Variants in PCDH15 observed in about 807,000 individuals in gnomAD.
PCDH15 encodes the protein protocadherin-15.
A neutral mutation model predicts 178.5 loss-of-function variants in PCDH15; 129 were observed. That is an observed-to-expected ratio of 0.72 (90% confidence interval 0.63 to 0.84). The LOEUF is 0.84. Among genes scored for constraint, PCDH15 ranks in the 40% least tolerant of loss-of-function variants. The probability of loss-of-function intolerance (pLI) is 0.00; values close to 1 mark genes in which losing one functional copy is unlikely to be tolerated. For missense variants in PCDH15, 2,230 were observed against 2,099.9 expected (o/e 1.06, Z -1.21); for synonymous variants, 800 against 732.0 (o/e 1.09, Z -1.50).
At chr10:55,575,899 G>A (rs1452848077) in intron 2 of PCDH15, among the ~76,000 whole-genome samples, 24 of 152,162 alleles carry the variant, frequency 1.6e-4, no homozygotes, top group Non-Finnish European at 4.4e-5. Flanking sequence ...TCTCTGAGAG[G>A]AGGCTTGCTT....
chr10:54,886,040 G>T (rs1954352810), intron 3 of PCDH15, among the ~76,000 whole-genome samples: 1 of 151,750 alleles, frequency 6.6e-6, no homozygotes. Flanking sequence ...CTCTTCCCCT[G>T]CCCTCAATTT....
chr10:55,555,830 T>A (rs186953836), intron 2 of PCDH15, among the ~76,000 whole-genome samples: 218 of 152,202 alleles, frequency 1.4e-3, no homozygotes, highest in African/African-American at 5.1e-3. Flanking sequence ...GCCATACAGA[T>A]GATGAATAAA....
intron 5 of PCDH15, among the ~76,000 whole-genome samples, chr10:54,366,856 A>T (rs768664866): frequency 4.6e-5 from 7 of 152,090 alleles, no homozygotes; most frequent in Non-Finnish European, 1.5e-5. Flanking sequence ...GACCTCAGTT[A>T]TCTAAAAGGA....
At chr10:55,506,018 G>C (rs756775620) in intron 2 of PCDH15, among the ~76,000 whole-genome samples, 17 of 151,136 alleles carry the variant, frequency 1.1e-4, no homozygotes, top group Non-Finnish European at 2.4e-4. Flanking sequence ...TTAGATTTTG[G>C]TCATTAACAT....
chr10:55,441,600 C>T (rs1839186603), intron 2 of PCDH15, among the ~76,000 whole-genome samples: 1 of 152,142 alleles, frequency 6.6e-6, no homozygotes, highest in Admixed American at 6.5e-5. Flanking sequence ...CACTAAGACA[C>T]AGTCTCATAT....
chr10:53,855,199 T>C (rs1237987387), intron 28 of PCDH15, among the ~76,000 whole-genome samples: 1 of 152,024 alleles, frequency 6.6e-6, no homozygotes, highest in Non-Finnish European at 1.5e-5. Context: ...AAATTGACTA[T>C]AATAATAACA....
At chr10:54,846,385 G>A (rs1436009097) in intron 3 of PCDH15, among the ~76,000 whole-genome samples, 5 of 152,162 alleles carry the variant, frequency 3.3e-5, no homozygotes, top group South Asian at 2.1e-4. Context: ...AATCATTGCC[G>A]AATGAATGAA....
At chr10:54,047,701 A>G (rs1442618497) in intron 18 of PCDH15, among the ~76,000 whole-genome samples, 1 of 152,112 alleles carries the variant, frequency 6.6e-6, no homozygotes, top group Non-Finnish European at 1.5e-5. Context: ...TAATGTACTT[A>G]AAATAATGGT....
At chr10:54,430,341 C>T (rs372017181) in intron 3 of PCDH15, among the ~76,000 whole-genome samples, 1 of 152,202 alleles carries the variant, frequency 6.6e-6, no homozygotes. Context: ...AGGCGTGAGC[C>T]ACCACACCCG....
At chr10:55,538,108 G>GT (rs1841625133) in intron 2 of PCDH15, among the ~76,000 whole-genome samples, 1 of 152,114 alleles carries the variant, frequency 6.6e-6, no homozygotes, top group Admixed American at 6.6e-5. Flanking sequence ...GAGCTGCACA[G>GT]TTCAAGCCTT....
At chr10:54,710,074 A>G (rs2095412980) in intron 1 of PCDH15, among the ~76,000 whole-genome samples, 1 of 151,846 alleles carries the variant, frequency 6.6e-6, no homozygotes, top group South Asian at 2.1e-4. Flanking sequence ...CTGCATCTAT[A>G]TACACATTTA....
At chr10:53,855,617 A>G (rs1033079554) in intron 28 of PCDH15, among the ~76,000 whole-genome samples, 6 of 151,956 alleles carry the variant, frequency 3.9e-5, no homozygotes, top group Admixed American at 2.6e-4. Flanking sequence ...TTTATTTGGC[A>G]TATAATTACT....
At chr10:54,103,232 T>C (rs1296414215) in intron 15 of PCDH15, among the ~76,000 whole-genome samples, 1 of 152,208 alleles carries the variant, frequency 6.6e-6, no homozygotes, top group African/African-American at 2.4e-5. Flanking sequence ...TAAGTAGGAA[T>C]GCAGTAGGCT....
chr10:55,531,010 T>TTTGA (rs2132063411), intron 2 of PCDH15, among the ~76,000 whole-genome samples: 1 of 29,762 alleles, frequency 3.4e-5, no homozygotes, highest in South Asian at 1.2e-3. Context: ...TAGGGTTGCT[T>TTTGA]TTGTTTGTTT....
At chr10:54,493,402 C>T (rs1265417250) in intron 3 of PCDH15, among the ~76,000 whole-genome samples, 2 of 151,968 alleles carry the variant, frequency 1.3e-5, no homozygotes, top group Non-Finnish European at 2.9e-5. Context: ...ATCAGAGTAC[C>T]TTATTTTCAC....
chr10:54,621,050 T>C (rs2093335498), intron 2 of PCDH15, among the ~76,000 whole-genome samples: 3 of 151,996 alleles, frequency 2.0e-5, no homozygotes, highest in Non-Finnish European at 4.4e-5. Flanking sequence ...CCTAAGGTAC[T>C]GTGTAGGTGG....
upstream of PCDH15, among the ~76,000 whole-genome samples, chr10:55,321,600 T>C (rs73253837): frequency 0.012 from 1,822 of 152,180 alleles, 50 homozygotes; most frequent in African/African-American, 0.042. Flanking sequence ...TAAAGGCAGC[T>C]AGAGAGAAAG....
chr10:54,202,660 C>A (rs2050355382), intron 10 of PCDH15, among the ~76,000 whole-genome samples: 1 of 151,674 alleles, frequency 6.6e-6, no homozygotes, highest in South Asian at 2.1e-4. Flanking sequence ...TAAAAATACA[C>A]AATTAGCCGG....
chr10:53,937,394 G>C (rs985006733), intron 25 of PCDH15, among the ~76,000 whole-genome samples: 1 of 152,126 alleles, frequency 6.6e-6, no homozygotes, highest in African/African-American at 2.4e-5. Flanking sequence ...ATATAATTTA[G>C]AGTTACTCCA....
Sources: allele counts gnomAD v4.1 joint callset (sites outside exome capture counted in the v4.1 genomes callset), GRCh38; gene constraint gnomAD v4.1.1; transcripts MANE v1.5; gene names NCBI Gene and HGNC (gene_info 2026-07-23, HGNC 2026-07-21).